TMEM108: variants seen among roughly 807,000 people sequenced by gnomAD.
TMEM108 encodes cancer/testis antigen 124.
TMEM108 carries 12 observed loss-of-function variants against 35.1 expected under a neutral mutation model. The observed-to-expected ratio is 0.34, with a 90% CI of 0.22 to 0.55. TMEM108 has a LOEUF of 0.55. Among genes scored for constraint, TMEM108 ranks in the 20% least tolerant of loss-of-function variants. TMEM108 has a pLI of 0.89. For missense variants in TMEM108, 680 were observed against 753.3 expected (o/e 0.90, Z 1.14); for synonymous variants, 287 against 308.6 (o/e 0.93, Z 0.73).
At chr3:133,284,196 C>A (rs1297068420) in intron 3 of TMEM108, among the ~76,000 whole-genome samples, 1 of 152,150 alleles carries the variant, frequency 6.6e-6, no homozygotes, top group Non-Finnish European at 1.5e-5. Flanking sequence ...AGCATATATC[C>A]CCCTGCAGGG....
Position 133,367,405 on chromosome 3 carries a change from C to T in TMEM108, c.41-12347C>T, listed in dbSNP as rs116142894. ...AAGAAAGCTTTTTAATTCCCAAGCA[C>T]GCACAGCCTGGAGGGCTGAGTTTCA... On this transcript the variant is annotated intron_variant, in intron 3 of 5. Transcript: ENST00000321871. Among the ~76,000 whole-genome samples, 1,299 of 152,332 alleles carry T rather than the reference C, an allele frequency of 8.5e-3. 22 individuals are homozygous for T. The highest frequency in any genetic ancestry group is 0.03 in the African/African-American group (1,232 of 41,560).
At chr3:133,049,405 C>T (rs1180272908) in intron 2 of TMEM108, among the ~76,000 whole-genome samples, 4 of 152,194 alleles carry the variant, frequency 2.6e-5, no homozygotes, top group Admixed American at 2.0e-4. Context: ...GGAGTATGTC[C>T]ATCATCAGAG....
intron 2 of TMEM108, among the ~76,000 whole-genome samples, chr3:133,057,732 A>T (rs1055172279): frequency 6.6e-6 from 1 of 152,134 alleles, no homozygotes; most frequent in South Asian, 2.1e-4. Flanking sequence ...TTCTTCTCAG[A>T]TACCCTTTTC....
chr3:133,088,673 A>G (rs1468720146), intron 2 of TMEM108, among the ~76,000 whole-genome samples: 2 of 152,220 alleles, frequency 1.3e-5, no homozygotes, highest in African/African-American at 2.4e-5. Flanking sequence ...ATTGGCATTA[A>G]TAACAGTTTT....
chr3:133,184,086 C>T (rs74592035), intron 2 of TMEM108, among the ~76,000 whole-genome samples: 1,530 of 152,130 alleles, frequency 0.01, 34 homozygotes, highest in African/African-American at 0.034. Context: ...CACCAGACAC[C>T]GGGAGGACTG....
At chr3:133,049,039 T>C (rs1285458209) in intron 2 of TMEM108, among the ~76,000 whole-genome samples, 1 of 152,230 alleles carries the variant, frequency 6.6e-6, no homozygotes, top group Admixed American at 6.5e-5. Context: ...CCAGTGATCC[T>C]GATGGATGCT....
chr3:133,234,117 T>C (rs1156265724), intron 3 of TMEM108, among the ~76,000 whole-genome samples: 3 of 152,300 alleles, frequency 2.0e-5, no homozygotes, highest in East Asian at 3.9e-4. Flanking sequence ...TGCTTGCCCA[T>C]GCCTATGTCC....
chr3:133,073,320 C>T (rs1364890571), intron 2 of TMEM108, among the ~76,000 whole-genome samples: 1 of 151,786 alleles, frequency 6.6e-6, no homozygotes, highest in Non-Finnish European at 1.5e-5. Flanking sequence ...TTACTCTCTG[C>T]TTCTATAAGT....
chr3:133,251,413 C>A (rs1466191170), intron 3 of TMEM108, among the ~76,000 whole-genome samples: 1 of 152,090 alleles, frequency 6.6e-6, no homozygotes, highest in East Asian at 1.9e-4. Context: ...TACAGCCAAC[C>A]AACAGATATT....
At chr3:133,367,293 ACACT>A (rs1276256757) in intron 3 of TMEM108, among the ~76,000 whole-genome samples, 3 of 152,258 alleles carry the variant, frequency 2.0e-5, no homozygotes, top group African/African-American at 7.2e-5. Context: ...CACATAGTAG[ACACT>A]CAATAAATAG....
intron 4 of TMEM108, chr3:133,387,457 CT>C (rs2073169235): frequency 1.0e-6 from 1 of 985,342 alleles, no homozygotes; most frequent in Admixed American, 6.1e-5. Flanking sequence ...TGGAGCAGAA[CT>C]TTCTGTTCTG....
intron 1 of TMEM108, among the ~76,000 whole-genome samples, chr3:133,043,963 A>C (rs1943305561): frequency 6.6e-6 from 1 of 152,112 alleles, no homozygotes; most frequent in Admixed American, 6.6e-5. Context: ...AAACATGCAA[A>C]ATTTTTGAAT....
At chr3:133,163,290 C>G (rs773272274) in intron 2 of TMEM108, among the ~76,000 whole-genome samples, 24 of 152,176 alleles carry the variant, frequency 1.6e-4, no homozygotes, top group Non-Finnish European at 2.6e-4. Context: ...AACTTATATA[C>G]TGGCCATTGT....
chr3:133,199,483 G>C (rs1350650283), intron 2 of TMEM108, among the ~76,000 whole-genome samples: 1 of 152,164 alleles, frequency 6.6e-6, no homozygotes, highest in Non-Finnish European at 1.5e-5. Context: ...TGTCCTTTCT[G>C]TTTGTTAGTT....
chr3:133,285,632 T>C (rs1243564964), intron 3 of TMEM108, among the ~76,000 whole-genome samples: 1 of 152,136 alleles, frequency 6.6e-6, no homozygotes, highest in Non-Finnish European at 1.5e-5. Flanking sequence ...CAATGGCACA[T>C]TTTTTTACTC....
chr3:133,387,294 G>C, intron 4 of TMEM108: 5 of 985,404 alleles, frequency 5.1e-6, no homozygotes, highest in Non-Finnish European at 6.0e-6. Flanking sequence ...TTTCCAGGTG[G>C]AATACATGGC....
chr3:133,311,316 G>A (rs1457443120), intron 3 of TMEM108, among the ~76,000 whole-genome samples: 3 of 152,152 alleles, frequency 2.0e-5, no homozygotes, highest in Non-Finnish European at 4.4e-5. Flanking sequence ...TTTCCAACTT[G>A]GTTCCATTCT....
chr3:133,316,014 T>C (rs16840218), intron 3 of TMEM108, among the ~76,000 whole-genome samples: 1,552 of 152,312 alleles, frequency 0.01, 25 homozygotes, highest in African/African-American at 0.034. Flanking sequence ...CTGCAGCCTT[T>C]CTTGTAACAC....
chr3:133,197,011 T>C (rs1269496391), intron 2 of TMEM108, among the ~76,000 whole-genome samples: 4 of 152,214 alleles, frequency 2.6e-5, no homozygotes, highest in Non-Finnish European at 4.4e-5. Context: ...GAATGACTAT[T>C]AGTAAAACGA....
Sources: allele counts gnomAD v4.1 joint callset (sites outside exome capture counted in the v4.1 genomes callset), GRCh38; gene constraint gnomAD v4.1.1; transcripts MANE v1.5; gene names NCBI Gene and HGNC (gene_info 2026-07-23, HGNC 2026-07-21).